WASF2: variants seen among roughly 807,000 people sequenced by gnomAD.
WASF2 encodes WASP family member 2.
A neutral mutation model predicts 45.0 loss-of-function variants in WASF2; 14 were observed. The observed-to-expected ratio is 0.31, with a 90% CI of 0.21 to 0.49. The LOEUF is 0.49. Among genes scored for constraint, WASF2 ranks in the 20% least tolerant of loss-of-function variants. The pLI is 0.99. For missense variants in WASF2, 439 were observed against 636.1 expected (o/e 0.69, Z 3.33); for synonymous variants, 200 against 236.3 (o/e 0.85, Z 1.41).
In WASF2 at chr1:27,414,558, A is replaced by C. The variant is rs1283749574; in HGVS notation, c.668+275T>G. On this transcript the variant is annotated intron_variant, in intron 6 of 8. Coordinates refer to ENST00000618852, the MANE Select transcript of WASF2 (RefSeq NM_006990.5). This position sits in a 1 kb window ranked among gnomAD's most constrained non-coding sequence, Gnocchi z 4.1. ...TTCCAATCTTTCCTCTGGGGCCCTTAGATGTGTATCTCGCAGAGTAAGGGC... is the reference window on the plus strand; with the variant it reads ...TTCCAATCTTTCCTCTGGGGCCCTTCGATGTGTATCTCGCAGAGTAAGGGC... Among the ~76,000 whole-genome samples, 1 of 152,136 alleles carries C rather than the reference A, an allele frequency of 6.6e-6. No homozygotes were observed. Among genetic ancestry groups the C allele is most frequent in the African/African-American group, 2.4e-5 (1 of 41,410 alleles).
At position 27,405,666 on chromosome 1, in the gene WASF2, TCGGCTCACTGGGTCCC is replaced by T. The variant is rs1253776629; in HGVS notation, c.*2507_*2522del. On this transcript the variant is annotated 3_prime_UTR_variant, in exon 9 of 9. Coordinates refer to ENST00000618852, the MANE Select transcript of WASF2 (RefSeq NM_006990.5). ...GCATAAGTGGAGCCCAGAGGGCCTC[TCGGCTCACTGGGTCCC>T]CGGCCCCCCGAGCTGAGGAGGCTTC... The T allele has an allele frequency of 7.4e-6, 1 of 135,822 alleles. No homozygotes were observed. Among genetic ancestry groups the T allele is most frequent in the East Asian group, 2.5e-4 (1 of 3,968 alleles). The allele number at this position is 135,822 out of a possible 1,614,324, so 8.4% of individuals were successfully genotyped here.
chr1:27,442,746 T>A (rs936890885), intron 1 of WASF2, among the ~76,000 whole-genome samples: 5 of 151,762 alleles, frequency 3.3e-5, no homozygotes, highest in Non-Finnish European at 5.9e-5. Context: ...CTCATACCCA[T>A]AATCCCAGCA....
At chr1:27,474,060 GC>G (rs2017731518) in intron 1 of WASF2, among the ~76,000 whole-genome samples, 1 of 152,154 alleles carries the variant, frequency 6.6e-6, no homozygotes, top group Non-Finnish European at 1.5e-5. Context: ...GGGAGAACGT[GC>G]AAACTACACA....
intron 1 of WASF2, among the ~76,000 whole-genome samples, chr1:27,434,006 A>T (rs1288570137): frequency 6.6e-6 from 1 of 152,212 alleles, no homozygotes; most frequent in African/African-American, 2.4e-5. Flanking sequence ...TACTATAGTG[A>T]TATCTGCTAA....
rs144770939 is a variant in WASF2, at chr1:27,419,404, T to C, written c.131-316A>G. Among the ~76,000 whole-genome samples, 1,439 of 152,292 alleles carry C rather than the reference T, an allele frequency of 9.4e-3. 9 individuals are homozygous for C. Among genetic ancestry groups the C allele is most frequent in the Non-Finnish European group, 0.016 (1,082 of 68,024 alleles). ...ATTAAGCCTGGAAGAAAAGATAATA[T>C]TTCTACACATTTCCAGCCTGGGCAA... is the stretch of plus-strand genomic sequence containing the variant. On this transcript the variant is annotated intron_variant, in intron 2 of 8. Transcript: ENST00000618852.
chr1:27,487,666 T>TTTATACA (rs2017961685), intron 1 of WASF2, among the ~76,000 whole-genome samples: 1 of 104,600 alleles, frequency 9.6e-6, no homozygotes, highest in Non-Finnish European at 1.8e-5. Context: ...TAATATATAT[T>TTTATACA]ATATATATTT....
chr1:27,479,194 G>C (rs1001471147), intron 1 of WASF2, among the ~76,000 whole-genome samples: 1 of 151,888 alleles, frequency 6.6e-6, no homozygotes, highest in Non-Finnish European at 1.5e-5. Flanking sequence ...GCTGAGGCAG[G>C]AGAATTGCTT....
In WASF2 at chr1:27,408,196, G is replaced by T; in HGVS notation, c.1490C>A (p.Ser497Tyr). 1 of 1,613,266 alleles carries T rather than the reference G, an allele frequency of 6.2e-7. No homozygotes were observed. Among genetic ancestry groups the T allele is most frequent in the South Asian group, 1.1e-5 (1 of 90,942 alleles). ...DSSEFDEDDWSD is the reference protein window; with the variant it reads ...DSSEFDEDDWYD ...GGCAGCAGGCAGAAAGAGTTAATCG[G>T]ACCAGTCGTCCTCATCAAATTCAGA... The change falls in exon 9 of 9, where the codon TCC (serine) becomes TAC (tyrosine). Residue 497 changes from serine (S) to tyrosine (Y), a missense_variant. Ser to Tyr is a moderately radical substitution (Grantham distance 144, BLOSUM62 -2). Coordinates refer to ENST00000618852, the MANE Select transcript of WASF2 (RefSeq NM_006990.5).
chr1:27,446,675 A>G lies in WASF2; in HGVS notation c.-43-17742T>C, dbSNP rs950936785. Among the ~76,000 whole-genome samples the G allele has an allele frequency of 3.3e-5, 5 of 151,890 alleles. No individual in the cohort carries two copies. The East Asian group carries it at 9.7e-4, about 29-fold the overall frequency. On this transcript the variant is annotated intron_variant, in intron 1 of 8. Transcript: ENST00000618852. ...GCACACTGGTAGTCCCAGCTACTCA[A>G]GAGGCTGAGGTGGGTGGATCGCTTG... is the stretch of plus-strand genomic sequence containing the variant.
rs138417655 is a variant in WASF2, at chr1:27,404,840, T to G, written c.*3349A>C. 4 of 152,092 alleles carry G rather than the reference T, an allele frequency of 2.6e-5. No homozygotes were observed. The highest frequency in any genetic ancestry group is 7.2e-5 in the African/African-American group (3 of 41,446). The allele number at this position is 152,092 out of a possible 1,614,324, so 9.4% of individuals were successfully genotyped here. On this transcript the variant is annotated 3_prime_UTR_variant, in exon 9 of 9. Transcript: ENST00000618852. ...AGGAGGCACAGAAGGAGGCACAGAA[T>G]GAGGCACATCTCTGCGCGACACCTG...
intron 1 of WASF2, among the ~76,000 whole-genome samples, chr1:27,444,228 C>T (rs1403374929): frequency 6.6e-6 from 1 of 151,978 alleles, no homozygotes. Flanking sequence ...TAGAAGCGTG[C>T]AGCACCATGC....
intron 1 of WASF2, among the ~76,000 whole-genome samples, chr1:27,454,179 A>T (rs2017431485): frequency 4.9e-4 from 5 of 10,294 alleles, no homozygotes; most frequent in African/African-American, 1.2e-3. Context: ...ATATATATAT[A>T]TATATATATT....
chr1:27,425,764 G>C (rs2016970873), intron 2 of WASF2, among the ~76,000 whole-genome samples: 1 of 150,188 alleles, frequency 6.7e-6, no homozygotes, highest in African/African-American at 2.5e-5. Flanking sequence ...GCGTGAACCT[G>C]TGAGGCAGAG....
chr1:27,412,503 T>A, intron 7 of WASF2, 69 bp downstream of exon 7: 2 of 1,597,224 alleles, frequency 1.3e-6, no homozygotes, highest in East Asian at 4.5e-5. Context: ...GAGCCACTGC[T>A]CCTGGTCCAT....
chr1:27,419,140 G>T lies in WASF2; in HGVS notation c.131-52C>A, dbSNP rs925141744. ...CTAGTGCATAGAAGTAACGTAAATG[G>T]TCACAAAAACTGGCTACTAAAGATC... is the stretch of plus-strand genomic sequence containing the variant. On this transcript the variant is annotated intron_variant, in intron 2 of 8. Transcript: ENST00000618852. 6 of 1,599,820 alleles carry T rather than the reference G, an allele frequency of 3.8e-6. No individual in the cohort carries two copies. In the African/African-American group the frequency reaches 8.1e-5, roughly 21 times the overall value.
intron 1 of WASF2, among the ~76,000 whole-genome samples, chr1:27,484,502 T>A (rs1288650256): frequency 6.6e-6 from 1 of 152,198 alleles, no homozygotes; most frequent in Non-Finnish European, 1.5e-5. Flanking sequence ...TGACAGTTTT[T>A]ACCTCATTCT....
intron 2 of WASF2, among the ~76,000 whole-genome samples, chr1:27,421,528 A>G (rs908749843): frequency 6.6e-6 from 1 of 152,162 alleles, no homozygotes; most frequent in Non-Finnish European, 1.5e-5. Context: ...AATTACAAAA[A>G]AATTAGGCCA....
At chr1:27,434,108 T>C (rs1444648506) in intron 1 of WASF2, among the ~76,000 whole-genome samples, 1 of 152,210 alleles carries the variant, frequency 6.6e-6, no homozygotes, top group Non-Finnish European at 1.5e-5. Flanking sequence ...TACAGGGAAG[T>C]AGATTTCAAT....
chr1:27,460,204 T>C (rs2017525776), intron 1 of WASF2, among the ~76,000 whole-genome samples: 1 of 152,200 alleles, frequency 6.6e-6, no homozygotes, highest in Admixed American at 6.6e-5. Context: ...TATTTTGGGA[T>C]TTATGGTTTT....
Sources: allele counts gnomAD v4.1 joint callset (sites outside exome capture counted in the v4.1 genomes callset), GRCh38; gene constraint gnomAD v4.1.1; non-coding constraint Gnocchi (gnomAD v3.1); transcripts MANE v1.5; gene names NCBI Gene and HGNC (gene_info 2026-07-23, HGNC 2026-07-21).